The following KIRREL3 variants were observed in gnomAD, a reference collection of about 807,000 sequenced individuals.
KIRREL3 encodes the protein kirre like nephrin family adhesion molecule 3.
In KIRREL3, 36 loss-of-function variants were observed where a neutral mutation model predicts 89.7. The ratio of observed to expected loss-of-function variants is 0.40; its 90% CI spans 0.31 to 0.53. The LOEUF (loss-of-function observed/expected upper bound fraction) is 0.53, where lower values mean the gene tolerates loss of function less well. Ranked by LOEUF, KIRREL3 falls within the 20% of genes least tolerant of loss-of-function variation. KIRREL3 has a pLI of 0.49. For missense variants in KIRREL3, 864 were observed against 1,056.6 expected (o/e 0.82, Z 2.53); for synonymous variants, 445 against 441.4 (o/e 1.01, Z -0.10).
rs559598450 is a variant in KIRREL3, at chr11:126,643,859, C to A, written c.56-80947G>T. 6.6e-6 allele frequency among the ~76,000 whole-genome samples: 1 copy of A among 152,260 alleles called. No homozygotes were observed. Among genetic ancestry groups the A allele is most frequent in the East Asian group, 1.9e-4 (1 of 5,184 alleles). On this transcript the variant is annotated intron_variant, in intron 1 of 16. Transcript: ENST00000525144. This position sits in a 1 kb window ranked among gnomAD's most constrained non-coding sequence, Gnocchi z 4.5. ...ATGAGGGGAGGAAGAGCAAAGCTGA[C>A]CCTGAGCATTTAGGGAGAAAGAATT...
intron 1 of KIRREL3, among the ~76,000 whole-genome samples, chr11:126,735,799 C>T (rs1297711285): frequency 2.0e-5 from 3 of 152,192 alleles, no homozygotes; most frequent in African/African-American, 7.2e-5. Context: ...ATTACTTTCT[C>T]ATTGCTTCCT....
rs1957300685 is a variant in KIRREL3, at chr11:126,484,580, A to G, written c.434-11114T>C. Among the ~76,000 whole-genome samples, 1 of 152,218 alleles carries G rather than the reference A, an allele frequency of 6.6e-6. No homozygotes were observed. Among genetic ancestry groups the G allele is most frequent in the Non-Finnish European group, 1.5e-5 (1 of 68,038 alleles). On this transcript the variant is annotated intron_variant, in intron 4 of 16. Coordinates refer to ENST00000525144, the MANE Select transcript of KIRREL3 (RefSeq NM_032531.4). The surrounding 1 kb of genome is among the most constrained non-coding windows in gnomAD (Gnocchi z 5.2). Reference sequence around the variant, plus strand: ...GTTTCCAGACTTAACAAATCAAAGAACAGTAGGCCCTGTTAAATGTAAATT... The same window carrying G: ...GTTTCCAGACTTAACAAATCAAAGAGCAGTAGGCCCTGTTAAATGTAAATT...
chr11:126,936,099 C>T (rs554728850), intron 1 of KIRREL3: 1 of 152,152 alleles, frequency 6.6e-6, no homozygotes, highest in Non-Finnish European at 1.5e-5. Context: ...AAAGACATTT[C>T]ACCAAAGAAG....
rs1448160039 is a variant in KIRREL3 at position 126,978,045 on chromosome 11, T to C, written c.55+22410A>G. On this transcript the variant is annotated intron_variant, in intron 1 of 16. Transcript: ENST00000525144. This position sits in a 1 kb window ranked among gnomAD's most constrained non-coding sequence, Gnocchi z 4.2. ...GCTGCCAGTCTACTGACAGCCTCCT[T>C]CTCCAGCACGGCAGCCCACCAAAAG... 6.6e-6 allele frequency among the ~76,000 whole-genome samples: 1 copy of C among 152,016 alleles called. No individual in the cohort carries two copies. The highest frequency in any genetic ancestry group is 2.4e-5 in the African/African-American group (1 of 41,368).
Position 126,977,330 on chromosome 11 carries a change from T to G in KIRREL3, c.55+23125A>C, listed in dbSNP as rs1312682646. Among the ~76,000 whole-genome samples the G allele has an allele frequency of 6.6e-6, 1 of 152,214 alleles. No individual in the cohort carries two copies. The highest frequency in any genetic ancestry group is 1.5e-5 in the Non-Finnish European group (1 of 68,040). ...TCCTTCTTCATCAGGATCATTCGTT[T>G]GGTGCTGTCAAAACACTGAAGCTGC... On this transcript the variant is annotated intron_variant, in intron 1 of 16. Coordinates refer to ENST00000525144, the MANE Select transcript of KIRREL3 (RefSeq NM_032531.4). This position sits in a 1 kb window ranked among gnomAD's most constrained non-coding sequence, Gnocchi z 4.7.
intron 1 of KIRREL3, among the ~76,000 whole-genome samples, chr11:126,801,578 G>T (rs1163159519): frequency 2.0e-5 from 3 of 152,194 alleles, no homozygotes; most frequent in Admixed American, 1.3e-4. Context: ...TTGCACGAGA[G>T]GCCCTGGGTT....
chr11:126,448,915 T>A, intron 8 of KIRREL3, 94 bp downstream of exon 8: 1 of 1,307,758 alleles, frequency 7.6e-7, no homozygotes, highest in Non-Finnish European at 1.0e-6. Flanking sequence ...GAAGCTTGTG[T>A]TGTGTGCAAT....
rs1949238846 is a variant in KIRREL3, at chr11:126,965,520, A to T, written c.55+34935T>A. On this transcript the variant is annotated intron_variant, in intron 1 of 16. Transcript: ENST00000525144. This position sits in a 1 kb window ranked among gnomAD's most constrained non-coding sequence, Gnocchi z 4.4. ...GGTACTGAGAAACCAGTATCCTGGA[A>T]CCCTATTGTGAAAGACTAACACGTG... Among the ~76,000 whole-genome samples, 1 of 152,172 alleles carries T rather than the reference A, an allele frequency of 6.6e-6. No individual in the cohort carries two copies. Among genetic ancestry groups the T allele is most frequent in the Non-Finnish European group, 1.5e-5 (1 of 68,034 alleles).
rs1383723031 is a variant in KIRREL3 at position 126,677,205 on chromosome 11, C to T, written c.56-114293G>A. On this transcript the variant is annotated intron_variant, in intron 1 of 16. Coordinates refer to ENST00000525144, the MANE Select transcript of KIRREL3 (RefSeq NM_032531.4). This position sits in a 1 kb window ranked among gnomAD's most constrained non-coding sequence, Gnocchi z 5.1. ...AAAATCACCCCAAAGAAACCCTGTA[C>T]ATTTTAGCTATCCCCTTAGCCTCAG... 2.0e-5 allele frequency among the ~76,000 whole-genome samples: 3 copies of T among 152,178 alleles called. No individual in the cohort carries two copies. Among genetic ancestry groups the T allele is most frequent in the Admixed American group, 6.5e-5 (1 of 15,280 alleles).
chr11:126,451,211 ATG>A (rs1224755334), intron 7 of KIRREL3, among the ~76,000 whole-genome samples: 1 of 131,876 alleles, frequency 7.6e-6, no homozygotes, highest in Non-Finnish European at 1.6e-5. Context: ...ATGTGTGTGC[ATG>A]TGTGGGTGTG....
chr11:126,464,407 T>G (rs1956651050), intron 5 of KIRREL3, among the ~76,000 whole-genome samples: 1 of 151,166 alleles, frequency 6.6e-6, no homozygotes, highest in African/African-American at 2.4e-5. Flanking sequence ...GGCTTGTGCC[T>G]GTAGTCCCAG....
At position 126,969,710 on chromosome 11, in the gene KIRREL3, G is replaced by C. The variant is rs748282757; in HGVS notation, c.55+30745C>G. ...CTTTTCCACGCCCTTGATGACACAGGCTTATTTGAATAATTTTGCAGTGGG... is the reference window on the plus strand; with the variant it reads ...CTTTTCCACGCCCTTGATGACACAGCCTTATTTGAATAATTTTGCAGTGGG... On this transcript the variant is annotated intron_variant, in intron 1 of 16. Transcript: ENST00000525144. The surrounding 1 kb of genome is among the most constrained non-coding windows in gnomAD (Gnocchi z 4.9). Among the ~76,000 whole-genome samples the C allele has an allele frequency of 3.9e-5, 6 of 152,124 alleles. No individual in the cohort carries two copies. Among genetic ancestry groups the C allele is most frequent in the Non-Finnish European group, 7.4e-5 (5 of 68,016 alleles).
At chr11:126,581,812 C>T (rs2134668761) in intron 1 of KIRREL3, among the ~76,000 whole-genome samples, 1 of 152,246 alleles carries the variant, frequency 6.6e-6, no homozygotes, top group Admixed American at 6.5e-5. Flanking sequence ...GGAGGAGAAG[C>T]ACCTCACACA....
intron 1 of KIRREL3, among the ~76,000 whole-genome samples, chr11:126,984,677 C>A (rs1228325067): frequency 2.6e-5 from 4 of 152,206 alleles, no homozygotes; most frequent in Non-Finnish European, 5.9e-5. Context: ...TAGTTGGAAT[C>A]AACCACCACT....
At chr11:126,793,594 C>T (rs1950712772) in intron 1 of KIRREL3, among the ~76,000 whole-genome samples, 1 of 152,168 alleles carries the variant, frequency 6.6e-6, no homozygotes, top group African/African-American at 2.4e-5. Context: ...CAGTGACTCA[C>T]ACAGAGGAAC....
At chr11:126,539,574 G>C (rs73015224) in intron 2 of KIRREL3, among the ~76,000 whole-genome samples, 4,774 of 152,348 alleles carry the variant, frequency 0.031, 113 homozygotes, top group Admixed American at 0.071. Context: ...GAGCCATTTG[G>C]GGGTAGAACT....
rs781778300 is a variant in KIRREL3 at position 126,686,162 on chromosome 11, C to G, written c.56-123250G>C. ...TTACTGGCAGGGTCTCTGCGTTCTG[C>G]CTTTGTGTTGAGCTTCTCCTCCACA... On this transcript the variant is annotated intron_variant, in intron 1 of 16. Transcript: ENST00000525144. This position sits in a 1 kb window ranked among gnomAD's most constrained non-coding sequence, Gnocchi z 4.7. 9.9e-5 allele frequency among the ~76,000 whole-genome samples: 15 copies of G among 152,148 alleles called. No individual in the cohort carries two copies. The highest frequency in any genetic ancestry group is 1.9e-4 in the Non-Finnish European group (13 of 68,026).
At chr11:126,809,690 G>A (rs1946047) in intron 1 of KIRREL3, among the ~76,000 whole-genome samples, 20,471 of 152,160 alleles carry the variant, frequency 0.13, 1,745 homozygotes, top group East Asian at 0.25. Flanking sequence ...GAGGTTAGGG[G>A]CACAGTGCCT....
intron 1 of KIRREL3, among the ~76,000 whole-genome samples, chr11:126,929,654 G>A (rs1198696305): frequency 6.6e-6 from 1 of 152,202 alleles, no homozygotes; most frequent in Non-Finnish European, 1.5e-5. Flanking sequence ...CATCCAGGAA[G>A]CAGGCTGCGG....
Sources: gnomAD v4.1 joint callset for allele counts (sites outside exome capture counted in the v4.1 genomes callset) on GRCh38, gnomAD v4.1.1 for gene constraint, Gnocchi (gnomAD v3.1) non-coding constraint, MANE v1.5 for transcripts, NCBI Gene and HGNC (gene_info 2026-07-23, HGNC 2026-07-21) for gene names.